The following ZNF334 variants were observed in gnomAD, a reference collection of about 807,000 sequenced individuals.
ZNF334 encodes zinc finger protein 334.
A neutral mutation model predicts 12.4 loss-of-function variants in ZNF334; 14 were observed. The ratio of observed to expected loss-of-function variants is 1.13; its 90% CI spans 0.74 to 1.76. ZNF334 has a LOEUF of 1.76. ZNF334 is among the 40% of genes most tolerant of loss of function. The probability of loss-of-function intolerance (pLI) is 0.00; values close to 1 mark genes in which losing one functional copy is unlikely to be tolerated. For missense variants in ZNF334, 797 were observed against 804.5 expected (o/e 0.99, Z 0.11); for synonymous variants, 273 against 269.6 (o/e 1.01, Z -0.12).
chr20:46,463,915 T>A, the ZNF334 span: 1 of 507,584 alleles, frequency 2.0e-6, no homozygotes, highest in Non-Finnish European at 4.0e-6. Context: ...GTCATAAAAA[T>A]CTTCCAGATC....
chr20:46,463,971 G>A, the ZNF334 span: 5 of 599,492 alleles, frequency 8.3e-6, no homozygotes, highest in Admixed American at 1.9e-5. Context: ...TCAGTTCATC[G>A]TCCCCATCTG....
the ZNF334 span, chr20:46,492,758 G>A: frequency 6.6e-6 from 1 of 152,196 alleles, no homozygotes; most frequent in Non-Finnish European, 1.5e-5. Flanking sequence ...GCTGTATGGA[G>A]TATCTTGGAA....
intron 2 of ZNF334, among the ~76,000 whole-genome samples, chr20:46,507,947 CT>C (rs928062761): frequency 1.5e-4 from 23 of 152,156 alleles, no homozygotes; most frequent in Admixed American, 1.4e-3. Context: ...GAAAGAATGA[CT>C]GGCAAAAATA....
Position 46,501,176 on chromosome 20 carries a change from GA to G in ZNF334, c.*119del. ...TTACATTGAGGGTTGACTTATGGCA[GA>G]AAAATTTTCCATATTCATTACATTT... is the stretch of plus-strand genomic sequence containing the variant. On this transcript the variant is annotated 3_prime_UTR_variant, in exon 5 of 5. Coordinates refer to ENST00000692313, the MANE Select transcript of ZNF334 (RefSeq NM_001353824.2). 7.4e-7 allele frequency: 1 copy of G among 1,356,334 alleles called. No individual in the cohort carries two copies. Among genetic ancestry groups the G allele is most frequent in the Non-Finnish European group, 9.9e-7 (1 of 1,006,966 alleles). The allele number at this position is 1,356,334 out of a possible 1,614,324, so 84.0% of individuals were successfully genotyped here.
chr20:46,502,328 A>G lies in ZNF334; in HGVS notation c.1011T>C (p.Ala337=). ...CCCCTGTGTGTGACCTGAAATGTTC[A>G]GCCAGGGCTGACTTCCGAAAAAAGG... ...GKTFFRKSAL[A]EHFRSHTGEK... is the part of the protein sequence containing the mutation. Residue 337 remains alanine (A), a synonymous_variant, in exon 5 of 5, where the codon GCT becomes GCC. Coordinates refer to ENST00000692313, the MANE Select transcript of ZNF334 (RefSeq NM_001353824.2). 6.2e-7 allele frequency: 1 copy of G among 1,614,170 alleles called. No homozygotes were observed. The highest frequency in any genetic ancestry group is 8.5e-7 in the Non-Finnish European group (1 of 1,180,032).
At chr20:46,464,694 G>T in the ZNF334 span, 1 of 413,752 alleles carries the variant, frequency 2.4e-6, no homozygotes, top group Non-Finnish European at 4.7e-6. Flanking sequence ...AAAGCAGCTT[G>T]TTATCACAGC....
chr20:46,480,273 T>C, the ZNF334 span, among the ~76,000 whole-genome samples: 2 of 152,156 alleles, frequency 1.3e-5, no homozygotes, highest in African/African-American at 2.4e-5. Flanking sequence ...TGGACATGTT[T>C]GGGGGGCAAT....
chr20:46,486,315 G>A, the ZNF334 span, among the ~76,000 whole-genome samples: 4,819 of 152,296 alleles, frequency 0.032, 242 homozygotes, highest in African/African-American at 0.11. Flanking sequence ...TTGGGAGGCT[G>A]AGGCAGGAGA....
the ZNF334 span, chr20:46,464,445 G>C: frequency 1.9e-6 from 1 of 517,712 alleles, no homozygotes; most frequent in South Asian, 1.5e-5. Context: ...CGCTCACTGG[G>C]GCTGGCTTTC....
chr20:46,509,530 G>C lies in ZNF334; in HGVS notation c.21+2552C>G. 4 of 702,752 alleles carry C rather than the reference G, an allele frequency of 5.7e-6. No individual in the cohort carries two copies. The Admixed American group carries it at 8.0e-5, about 14-fold the overall frequency. 43.5% of individuals were successfully genotyped at this position (702,752 alleles called of 1,614,324 possible). Reference sequence around the variant, plus strand: ...GTGGGTCAGCACATGGGACATCTCTGGGAGGACCACCAGGAGAAACTAACC... The same window carrying C: ...GTGGGTCAGCACATGGGACATCTCTCGGAGGACCACCAGGAGAAACTAACC... On this transcript the variant is annotated intron_variant, in intron 2 of 4. Coordinates refer to ENST00000692313, the MANE Select transcript of ZNF334 (RefSeq NM_001353824.2).
Position 46,502,005 on chromosome 20 carries a change from T to C in ZNF334, c.1334A>G (p.Lys445Arg). 6.2e-7 allele frequency: 1 copy of C among 1,614,046 alleles called. No individual in the cohort carries two copies. Among genetic ancestry groups the C allele is most frequent in the Non-Finnish European group, 8.5e-7 (1 of 1,180,016 alleles). ...TATCTGATGTGCAATGAGGGCTGAT[T>C]TCGTACATAAAAATTTTCCACATTG... ...CSQCGKFLCT[K>R]SALIAHQITH... The change falls in exon 5 of 5, where the codon AAA becomes AGA. Residue 445 changes from lysine to arginine, a missense_variant. Transcript: ENST00000692313.
chr20:46,499,069 G>A (rs903062880), downstream of ZNF334, among the ~76,000 whole-genome samples: 988 of 150,952 alleles, frequency 6.5e-3, 12 homozygotes, highest in African/African-American at 0.023. Flanking sequence ...AGCTACTTGG[G>A]AGGCTGAGGC....
chr20:46,476,133 A>G, the ZNF334 span: 1 of 152,198 alleles, frequency 6.6e-6, no homozygotes, highest in Non-Finnish European at 1.5e-5. Flanking sequence ...TATGTTGATG[A>G]TAAAAACCAA....
Position 46,513,370 on chromosome 20 carries a change from C to T in ZNF334, c.-869G>A, listed in dbSNP as rs1203537683. On this transcript the variant is annotated 5_prime_UTR_variant, in exon 1 of 5. Coordinates refer to ENST00000692313, the MANE Select transcript of ZNF334 (RefSeq NM_001353824.2). The stretch of plus-strand genomic sequence containing the variant: ...TCCAAAGACAGGGAGAGCGCGCGTC[C>T]ACCCTCCGCAGACCCGAGGCCCGCT... 1.3e-5 allele frequency: 2 copies of T among 152,618 alleles called. No individual in the cohort carries two copies. The highest frequency in any genetic ancestry group is 4.8e-5 in the African/African-American group (2 of 41,458). The allele number at this position is 152,618 out of a possible 1,614,324, so 9.5% of individuals were successfully genotyped here.
chr20:46,481,251 G>C, the ZNF334 span: 2 of 152,220 alleles, frequency 1.3e-5, no homozygotes, highest in Non-Finnish European at 1.5e-5. Context: ...TGTTCCACAA[G>C]GATGCAGCTC....
At chr20:46,486,727 C>T in the ZNF334 span, among the ~76,000 whole-genome samples, 6 of 152,090 alleles carry the variant, frequency 3.9e-5, no homozygotes, top group Non-Finnish European at 5.9e-5. Context: ...TTTGACAAAA[C>T]GTACCCAGAT....
the ZNF334 span, among the ~76,000 whole-genome samples, chr20:46,487,794 A>G: frequency 6.6e-6 from 1 of 152,188 alleles, no homozygotes; most frequent in Non-Finnish European, 1.5e-5. Context: ...GTGTCTCTAA[A>G]GTGAGTTTCT....
At chr20:46,489,308 C>T in the ZNF334 span, among the ~76,000 whole-genome samples, 6 of 152,100 alleles carry the variant, frequency 3.9e-5, no homozygotes, top group Non-Finnish European at 4.4e-5. Context: ...TAAAAGAATT[C>T]TCCAACCTGC....
Position 46,504,244 on chromosome 20 carries a change from C to T in ZNF334, c.211G>A (p.Val71Met), listed in dbSNP as rs1418762693. The T allele has an allele frequency of 6.2e-7, 1 of 1,612,730 alleles. No homozygotes were observed. Among genetic ancestry groups the T allele is most frequent in the Admixed American group, 1.7e-5 (1 of 59,878 alleles). Residue 71 changes from valine (V) to methionine (M), a missense_variant, in exon 4 of 5, where the codon GTG (valine) becomes ATG (methionine). Physicochemically the swap from Val to Met is conservative, Grantham distance 21. Coordinates refer to ENST00000692313, the MANE Select transcript of ZNF334 (RefSeq NM_001353824.2). The part of the protein sequence containing the change: ...KLEQGEEPWI[V>M]EEFSNQNYPD... ...TAGTTCTGATTTGAGAATTCCTCCA[C>T]TATCCATGGCTCTTCTCCTTGCTCC...
Sources: gnomAD v4.1 joint callset for allele counts (sites outside exome capture counted in the v4.1 genomes callset) on GRCh38, gnomAD v4.1.1 for gene constraint, MANE v1.5 for transcripts, NCBI Gene and HGNC (gene_info 2026-07-23, HGNC 2026-07-21) for gene names.